The following PAMR1 variants were observed in gnomAD, a reference collection of about 807,000 sequenced individuals.
PAMR1 encodes inactive serine protease PAMR1.
In PAMR1, 88 loss-of-function variants were observed where a neutral mutation model predicts 81.8. The observed-to-expected ratio is 1.08, with a 90% CI of 0.91 to 1.28. PAMR1 has a LOEUF of 1.28. Ranked by LOEUF, PAMR1 falls within the 50% of genes most tolerant of loss-of-function variation. The pLI is 0.00. For missense variants in PAMR1, 935 were observed against 919.7 expected (o/e 1.02, Z -0.21); for synonymous variants, 336 against 345.3 (o/e 0.97, Z 0.30).
rs370162330 is a variant in PAMR1 at position 35,492,082 on chromosome 11, T to C, written c.342A>G (p.Ala114=). 1 of 1,614,112 alleles carries C rather than the reference T, an allele frequency of 6.2e-7. No individual in the cohort carries two copies. ...DDFYVKGFYC[A]ECRAGWYGGD... ...CTCCGTACCAGCCTGCTCGGCACTCTGCACAGTAGAACCCCTTCACATAGA... is the reference window on the plus strand; with the variant it reads ...CTCCGTACCAGCCTGCTCGGCACTCCGCACAGTAGAACCCCTTCACATAGA... The change falls in exon 3 of 11, where the codon GCA becomes GCG. Residue 114 remains alanine, a synonymous_variant. Coordinates refer to ENST00000619888, the MANE Select transcript of PAMR1 (RefSeq NM_001001991.3).
At chr11:35,525,464 T>A (rs775395116) in intron 1 of PAMR1, 49 bp downstream of exon 1, 2 of 1,509,720 alleles carry the variant, frequency 1.3e-6, no homozygotes, top group Non-Finnish European at 1.8e-6. Context: ...AGGAAAATGC[T>A]CCCTCCTAGG....
At chr11:35,455,908 A>G (rs1277680884) in intron 6 of PAMR1, among the ~76,000 whole-genome samples, 1 of 152,002 alleles carries the variant, frequency 6.6e-6, no homozygotes, top group Non-Finnish European at 1.5e-5. Context: ...TAACAGAAAA[A>G]AAAAAAAAAA....
chr11:35,506,931 G>A (rs372614922), intron 1 of PAMR1, among the ~76,000 whole-genome samples: 2 of 147,814 alleles, frequency 1.4e-5, no homozygotes, highest in South Asian at 2.1e-4. Flanking sequence ...ACTCTCTCTC[G>A]GATACCAATA....
At chr11:35,497,744 A>C (rs932954524) in intron 1 of PAMR1, among the ~76,000 whole-genome samples, 7 of 152,206 alleles carry the variant, frequency 4.6e-5, no homozygotes, top group African/African-American at 1.4e-4. Context: ...TGATTGATCA[A>C]CTATAACATG....
intron 1 of PAMR1, among the ~76,000 whole-genome samples, chr11:35,516,277 T>C (rs773842604): frequency 1.3e-5 from 2 of 152,346 alleles, no homozygotes; most frequent in Non-Finnish European, 2.9e-5. Context: ...TTATACCCCA[T>C]GCATGTGCAC....
upstream of PAMR1, among the ~76,000 whole-genome samples, chr11:35,528,233 A>C (rs1851421356): frequency 6.6e-6 from 1 of 152,212 alleles, no homozygotes; most frequent in South Asian, 2.1e-4. Flanking sequence ...TTTTCCTAAA[A>C]GCAGACTTGA....
rs202178376 is a variant in PAMR1, at chr11:35,432,431, T to G, written c.2088A>C (p.Thr696=). 108 of 1,614,160 alleles carry G rather than the reference T, an allele frequency of 6.7e-5. No individual in the cohort carries two copies. The highest frequency in any genetic ancestry group is 7.1e-5 in the Non-Finnish European group (84 of 1,180,038). Reference sequence around the variant, plus strand: ...AGGCAGTGGAGAGCCTGTGGCTGCATGTTTTATCATAGCTCCAGCTGACCA... The same window carrying G: ...AGGCAGTGGAGAGCCTGTGGCTGCAGGTTTTATCATAGCTCCAGCTGACCA... ...MGLVSWSYDK[T]CSHRLSTAFT... The change falls in exon 11 of 11, where the codon ACA becomes ACC. Residue 696 remains threonine, a synonymous_variant. Coordinates refer to ENST00000619888, the MANE Select transcript of PAMR1 (RefSeq NM_001001991.3).
intron 6 of PAMR1, among the ~76,000 whole-genome samples, chr11:35,460,605 G>A (rs545973744): frequency 6.6e-6 from 1 of 152,230 alleles, no homozygotes; most frequent in South Asian, 2.1e-4. Context: ...ATAGTTTGCT[G>A]AGAATGATGG....
At chr11:35,463,903 TC>T (rs1186786807) in intron 6 of PAMR1, among the ~76,000 whole-genome samples, 2 of 152,180 alleles carry the variant, frequency 1.3e-5, no homozygotes, top group African/African-American at 4.8e-5. Context: ...GAGAAATTTC[TC>T]CCCAGACCAA....
At chr11:35,496,507 A>G (rs1304513778) in intron 1 of PAMR1, among the ~76,000 whole-genome samples, 1 of 152,242 alleles carries the variant, frequency 6.6e-6, no homozygotes, top group Admixed American at 6.5e-5. Context: ...CAAGCACACA[A>G]AAAGATGTTT....
At chr11:35,508,515 C>CTTTTTT (rs1851013668) in intron 1 of PAMR1, among the ~76,000 whole-genome samples, 1 of 76,156 alleles carries the variant, frequency 1.3e-5, no homozygotes, top group African/African-American at 6.0e-5. Flanking sequence ...CAGGAACCTC[C>CTTTTTT]ATTTTTTTTT....
intron 3 of PAMR1, among the ~76,000 whole-genome samples, chr11:35,486,520 C>A (rs530676747): frequency 6.6e-6 from 1 of 152,320 alleles, no homozygotes; most frequent in Non-Finnish European, 1.5e-5. Flanking sequence ...GGTGTGAGCT[C>A]TCTGTTCTGC....
intron 6 of PAMR1, among the ~76,000 whole-genome samples, chr11:35,461,133 T>G (rs1856645101): frequency 1.3e-5 from 2 of 152,206 alleles, no homozygotes; most frequent in African/African-American, 4.8e-5. Context: ...ATGAATTACC[T>G]CTTAACCCAG....
chr11:35,452,670 A>T (rs1462812708), intron 6 of PAMR1, among the ~76,000 whole-genome samples: 1 of 152,198 alleles, frequency 6.6e-6, no homozygotes, highest in Non-Finnish European at 1.5e-5. Context: ...ATGTGACTGT[A>T]AAATTTTGTT....
At chr11:35,463,858 G>C (rs545963620) in intron 6 of PAMR1, among the ~76,000 whole-genome samples, 2 of 152,164 alleles carry the variant, frequency 1.3e-5, no homozygotes, top group Non-Finnish European at 2.9e-5. Flanking sequence ...TGATTATTTT[G>C]CATTCTTTAT....
intron 6 of PAMR1, among the ~76,000 whole-genome samples, chr11:35,448,365 T>C (rs537203731): frequency 1.3e-5 from 2 of 152,308 alleles, no homozygotes; most frequent in Non-Finnish European, 2.9e-5. Flanking sequence ...TAATCTTGTC[T>C]GCCTGTCTTA....
At chr11:35,500,572 G>A (rs1390063452) in intron 1 of PAMR1, among the ~76,000 whole-genome samples, 1 of 152,134 alleles carries the variant, frequency 6.6e-6, no homozygotes, top group Non-Finnish European at 1.5e-5. Context: ...GGTCATGAAG[G>A]GGCATTAGCA....
intron 6 of PAMR1, among the ~76,000 whole-genome samples, chr11:35,467,552 C>T (rs1033831078): frequency 1.3e-5 from 2 of 152,322 alleles, no homozygotes; most frequent in South Asian, 4.1e-4. Context: ...AATAATTTTG[C>T]TCAGCAAAAT....
chr11:35,445,110 TG>T (rs1565328125), intron 6 of PAMR1, among the ~76,000 whole-genome samples: 5 of 152,208 alleles, frequency 3.3e-5, no homozygotes. Context: ...CAATTGTGAA[TG>T]GGAGTTCATT....
Sources: allele counts gnomAD v4.1 joint callset (sites outside exome capture counted in the v4.1 genomes callset), GRCh38; gene constraint gnomAD v4.1.1; transcripts MANE v1.5; gene names NCBI Gene and HGNC (gene_info 2026-07-23, HGNC 2026-07-21).